CIMAP2: variants seen among roughly 807,000 people sequenced by gnomAD.
The protein encoded by CIMAP2 is ciliary microtubule associated protein 2.
At chr1:54,841,600 G>A in the CIMAP2 span, 2 of 1,614,050 alleles carry the variant, frequency 1.2e-6, no homozygotes, top group African/African-American at 1.3e-5. Context: ...GTGAATTGCT[G>A]TAATCCCATC....
At chr1:54,819,427 G>A in the CIMAP2 span, among the ~76,000 whole-genome samples, 3 of 152,148 alleles carry the variant, frequency 2.0e-5, no homozygotes, top group Non-Finnish European at 2.9e-5. Flanking sequence ...GGAGTGTAGT[G>A]GCACAATCAT....
At chr1:54,808,090 A>G in the CIMAP2 span, 1 of 1,423,046 alleles carries the variant, frequency 7.0e-7, no homozygotes, top group Non-Finnish European at 9.3e-7. Context: ...TCACTTACAT[A>G]TCCATCCAGC....
the CIMAP2 span, among the ~76,000 whole-genome samples, chr1:54,840,445 G>A: frequency 6.6e-6 from 1 of 152,212 alleles, no homozygotes; most frequent in Non-Finnish European, 1.5e-5. Flanking sequence ...GCTATAAACA[G>A]TTAAATACAG....
At chr1:54,812,045 G>A in the CIMAP2 span, 1 of 1,614,046 alleles carries the variant, frequency 6.2e-7, no homozygotes, top group East Asian at 2.2e-5. Context: ...CTGTGCTCTA[G>A]GGGAGTGGTC....
chr1:54,832,634 A>G, the CIMAP2 span, among the ~76,000 whole-genome samples: 8 of 152,360 alleles, frequency 5.3e-5, no homozygotes, highest in South Asian at 2.1e-4. Context: ...TTGTTTTAAT[A>G]TCAAACAAAA....
the CIMAP2 span, among the ~76,000 whole-genome samples, chr1:54,825,041 C>T: frequency 1.7e-5 from 1 of 59,664 alleles, no homozygotes; most frequent in African/African-American, 8.3e-5. Flanking sequence ...TAGGGAATTA[C>T]TTTTTTTTTT....
the CIMAP2 span, chr1:54,811,773 G>GACCCCCCCCC: frequency 5.3e-6 from 7 of 1,325,048 alleles, no homozygotes; most frequent in Admixed American, 2.4e-5. Flanking sequence ...CAGCCTCCAT[G>GACCCCCCCCC]CCCCCACCCC....
At chr1:54,811,170 G>A in the CIMAP2 span, among the ~76,000 whole-genome samples, 2 of 152,218 alleles carry the variant, frequency 1.3e-5, no homozygotes, top group African/African-American at 4.8e-5. Flanking sequence ...CAGCTAGGAG[G>A]CAGCAGAGCC....
the CIMAP2 span, among the ~76,000 whole-genome samples, chr1:54,825,415 C>A: frequency 6.6e-6 from 1 of 152,062 alleles, no homozygotes; most frequent in African/African-American, 2.4e-5. Flanking sequence ...GGCTTTGATT[C>A]TGGGTGGATG....
the CIMAP2 span, among the ~76,000 whole-genome samples, chr1:54,808,990 G>GTTTAGCATCTCTCCCCCC: frequency 6.8e-6 from 1 of 147,038 alleles, no homozygotes; most frequent in Non-Finnish European, 1.5e-5. Context: ...TCTTGTGTGT[G>GTTTAGCATCTCTCCCCCC]ACTGGACAGC....
chr1:54,818,391 C>G, the CIMAP2 span, among the ~76,000 whole-genome samples: 5,841 of 150,356 alleles, frequency 0.039, 402 homozygotes, highest in African/African-American at 0.14. Context: ...TTTTCTCTCT[C>G]TCTCTTCTTT....
At chr1:54,816,637 A>G in the CIMAP2 span, among the ~76,000 whole-genome samples, 92,659 of 151,998 alleles carry the variant, frequency 0.61, 28,887 homozygotes, top group South Asian at 0.75. Context: ...GGTGGCCAGC[A>G]ATCCTTGATG....
At chr1:54,822,354 C>T in the CIMAP2 span, among the ~76,000 whole-genome samples, 8 of 150,818 alleles carry the variant, frequency 5.3e-5, no homozygotes, top group African/African-American at 1.7e-4. Flanking sequence ...AAAAAACCAA[C>T]CTTTCATTTT....
the CIMAP2 span, among the ~76,000 whole-genome samples, chr1:54,836,632 T>C: frequency 6.6e-6 from 1 of 151,956 alleles, no homozygotes; most frequent in Non-Finnish European, 1.5e-5. Context: ...ACAGGAAGGA[T>C]TGATTTAGCA....
chr1:54,839,831 G>T, the CIMAP2 span, among the ~76,000 whole-genome samples: 1 of 152,132 alleles, frequency 6.6e-6, no homozygotes. Context: ...GCTTATGGCA[G>T]CCTTGACCTT....
At chr1:54,835,965 AC>A in the CIMAP2 span, among the ~76,000 whole-genome samples, 79 of 152,036 alleles carry the variant, frequency 5.2e-4, no homozygotes, top group African/African-American at 1.9e-3. Flanking sequence ...TCCTGCCCTT[AC>A]CCCACCTGAC....
the CIMAP2 span, among the ~76,000 whole-genome samples, chr1:54,821,627 AT>A: frequency 6.6e-6 from 1 of 151,908 alleles, no homozygotes; most frequent in Non-Finnish European, 1.5e-5. Flanking sequence ...TCCTTGGTAA[AT>A]TTATTCCTAG....
At chr1:54,824,756 T>G in the CIMAP2 span, among the ~76,000 whole-genome samples, 1 of 152,056 alleles carries the variant, frequency 6.6e-6, no homozygotes, top group Admixed American at 6.6e-5. Context: ...ATCTTTTTGT[T>G]GAATCTCATT....
chr1:54,806,314 C>T, the CIMAP2 span: 1 of 1,241,784 alleles, frequency 8.1e-7, no homozygotes, highest in Non-Finnish European at 1.1e-6. Context: ...AGAGGGTGTC[C>T]ACCTACACAC....
Sources: gnomAD v4.1 joint callset for allele counts (sites outside exome capture counted in the v4.1 genomes callset) on GRCh38, gnomAD v4.1.1 for gene constraint, MANE v1.5 for transcripts, NCBI Gene and HGNC (gene_info 2026-07-23, HGNC 2026-07-21) for gene names.